ANO1: variants seen among roughly 807,000 people sequenced by gnomAD.
The protein encoded by ANO1 is anoctamin 1, also known as anoctamin-1.
A neutral mutation model predicts 124.0 loss-of-function variants in ANO1; 59 were observed. The observed-to-expected ratio is 0.48, with a 90% confidence interval of 0.39 to 0.59. The LOEUF is 0.59. ANO1 is among the 20% of genes least tolerant of loss of function. The pLI is 0.00. For missense variants in ANO1, 1,059 were observed against 1,328.0 expected, an observed-to-expected ratio of 0.80 and a Z score of 3.15; for synonymous variants, 529 against 532.0, an observed-to-expected ratio of 0.99 and a Z score of 0.08.
At chr11:70,106,599 G>T (rs957204853) in intron 5 of ANO1, among the ~76,000 whole-genome samples, 1 of 152,324 alleles carries the variant, frequency 6.6e-6, no homozygotes, top group East Asian at 1.9e-4. Flanking sequence ...CAGATCTGGG[G>T]CAGGGAGGAG....
upstream of ANO1, among the ~76,000 whole-genome samples, chr11:70,073,468 C>A (rs1334267315): frequency 4.6e-5 from 7 of 152,092 alleles, no homozygotes; most frequent in African/African-American, 1.7e-4. Context: ...TCATAGTAAG[C>A]GCTGCGCAGC....
intron 1 of ANO1, among the ~76,000 whole-genome samples, chr11:69,993,195 G>A (rs139176462): frequency 9.9e-5 from 15 of 152,174 alleles, no homozygotes; most frequent in Non-Finnish European, 2.1e-4. Context: ...TTGCCCCTGG[G>A]TGTGGTGTGC....
At chr11:70,179,483 G>C (rs2048855922) in intron 22 of ANO1, among the ~76,000 whole-genome samples, 1 of 152,294 alleles carries the variant, frequency 6.6e-6, no homozygotes, top group African/African-American at 2.4e-5. Context: ...TGCACCCCTG[G>C]GTCTTGGAGT....
chr11:70,160,460 C>T (rs186055215), intron 16 of ANO1, among the ~76,000 whole-genome samples: 1 of 152,316 alleles, frequency 6.6e-6, no homozygotes, highest in East Asian at 1.9e-4. Flanking sequence ...CTCAGGCAAC[C>T]ACCAACCCAA....
chr11:70,084,328 C>G (rs902842685), intron 1 of ANO1, among the ~76,000 whole-genome samples: 1 of 152,154 alleles, frequency 6.6e-6, no homozygotes, highest in African/African-American at 2.4e-5. Context: ...TAACCCTGCC[C>G]TTGTTTGACC....
intron 10 of ANO1, among the ~76,000 whole-genome samples, chr11:70,130,000 C>T (rs1251137886): frequency 2.6e-5 from 4 of 152,194 alleles, no homozygotes; most frequent in Non-Finnish European, 4.4e-5. Context: ...ATGCTGGGCA[C>T]AGAGGAGGCC....
At chr11:70,075,242 C>T (rs1055591590), upstream of ANO1, 1 of 152,106 alleles carries the variant, frequency 6.6e-6, no homozygotes. Context: ...AATAAAATAT[C>T]GTTGAAAAGG....
intron 11 of ANO1, 59 bp from the exon 12 acceptor site, chr11:70,149,649 TAA>T (rs34756275): frequency 8.1e-3 from 10,834 of 1,341,746 alleles, no homozygotes; most frequent in African/African-American, 8.7e-3. Flanking sequence ...AAACTCTGTC[TAA>T]AAAAAAAAAA....
At chr11:70,129,438 C>T (rs1034398629) in intron 10 of ANO1, 2 of 152,180 alleles carry the variant, frequency 1.3e-5, no homozygotes, top group Non-Finnish European at 2.9e-5. Flanking sequence ...GAGATACAAA[C>T]CCAGAGCTAG....
chr11:70,123,256 A>G (rs1893084), intron 8 of ANO1, among the ~76,000 whole-genome samples: 126,881 of 152,172 alleles, frequency 0.83, 53,052 homozygotes, highest in Middle Eastern at 0.91. Context: ...GGGGCTGTGC[A>G]GCAGCAGGCG....
intron 1 of ANO1, among the ~76,000 whole-genome samples, chr11:69,995,246 C>G (rs551228713): frequency 1.2e-4 from 18 of 152,052 alleles, no homozygotes; most frequent in Admixed American, 2.6e-4. Context: ...ACTACAGGCG[C>G]GTGCCACCAC....
At chr11:70,095,299 GGAAAGAAAGAAA>G (rs58358100) in intron 2 of ANO1, among the ~76,000 whole-genome samples, 2 of 50,928 alleles carry the variant, frequency 3.9e-5, no homozygotes, top group African/African-American at 1.8e-4. Context: ...AAGGAAGGAA[GGAAAGAAAGAAA>G]GAAAGAAAGG....
rs1555008734 is a variant in ANO1, at chr11:70,067,323, G to GGTTTTT, written c.59-11219_59-11218insGTTTTT. Among the ~76,000 whole-genome samples the GGTTTTT allele has an allele frequency of 8.7e-5, 11 of 126,536 alleles. 4 individuals carry two copies. The highest frequency in any genetic ancestry group is 1.2e-4 in the Non-Finnish European group (7 of 60,090). 83.0% of individuals were successfully genotyped at this position (126,536 alleles called of 152,430 possible). A position where few individuals can be genotyped will look rare whatever the true frequency, so the allele number is the denominator to read the frequency against. Reference sequence around the variant, plus strand: ...TCCAAGGGGACAAGGAATCGTGGGTGTTTTTTTTTTTTTTTTTTTTTTGAG... The same window carrying GGTTTTT: ...TCCAAGGGGACAAGGAATCGTGGGTGGTTTTTTTTTTTTTTTTTTTTTTTTTTTGAG... On this transcript the variant is annotated intron_variant, in intron 1 of 27. Transcript: ENST00000531349.
At chr11:70,170,577 C>T (rs562801768) in intron 21 of ANO1, among the ~76,000 whole-genome samples, 1 of 152,256 alleles carries the variant, frequency 6.6e-6, no homozygotes, top group South Asian at 2.1e-4. Flanking sequence ...GGTGACAGAT[C>T]GAGACTATCT....
intron 1 of ANO1, among the ~76,000 whole-genome samples, chr11:70,044,480 C>G (rs1329534478): frequency 6.6e-6 from 1 of 151,862 alleles, no homozygotes; most frequent in Admixed American, 6.6e-5. Context: ...AATTATTCAT[C>G]AAAATAAATA....
Position 70,032,541 on chromosome 11 carries a change from G to GC in ANO1, c.59-46001_59-46000insC, listed in dbSNP as rs1424493659. ...GAGCAGAGGGAGGCGGGAGAGGGGG[G>GC]GGGTCTCTGAAGGGTAGAATCCGCA... On this transcript the variant is annotated intron_variant, in intron 1 of 27. Transcript: ENST00000531349. Among the ~76,000 whole-genome samples, 6 of 151,620 alleles carry GC rather than the reference G, an allele frequency of 4.0e-5. 1 individual carries two copies. Among genetic ancestry groups the GC allele is most frequent in the Admixed American group, 3.9e-4 (6 of 15,216 alleles).
chr11:70,103,903 T>G, intron 3 of ANO1, 96 bp from the exon 4 acceptor site: 1 of 1,348,262 alleles, frequency 7.4e-7, no homozygotes, highest in Non-Finnish European at 1.0e-6. Context: ...CCCCGTTGCA[T>G]GGGGTGGGAT....
chr11:70,094,945 G>A (rs2044780687), intron 2 of ANO1, among the ~76,000 whole-genome samples: 2 of 152,102 alleles, frequency 1.3e-5, no homozygotes, highest in South Asian at 4.1e-4. Flanking sequence ...CATGGCTCAT[G>A]CCTATAATCC....
intron 1 of ANO1, among the ~76,000 whole-genome samples, chr11:69,997,237 T>C (rs2120338622): frequency 6.6e-6 from 1 of 152,348 alleles, no homozygotes; most frequent in South Asian, 2.1e-4. Flanking sequence ...TTACACTTCA[T>C]TCTGCATTTT....
Sources: gnomAD v4.1 joint callset for allele counts (sites outside exome capture counted in the v4.1 genomes callset) on GRCh38, gnomAD v4.1.1 for gene constraint, MANE v1.5 for transcripts, NCBI Gene and HGNC (gene_info 2026-07-23, HGNC 2026-07-21) for gene names.